The following ST18 variants were observed in gnomAD, a reference collection of about 807,000 sequenced individuals.
The protein encoded by ST18 is suppression of tumorigenicity 18 protein.
ST18 carries 50 observed loss-of-function variants against 110.0 expected under a neutral mutation model. That is an observed-to-expected ratio of 0.45 (90% CI 0.36 to 0.58). The LOEUF (loss-of-function observed/expected upper bound fraction) is 0.58, where lower values mean the gene tolerates loss of function less well. Ranked by LOEUF, ST18 falls within the 20% of genes least tolerant of loss-of-function variation. The pLI, the probability that ST18 is intolerant of heterozygous loss-of-function variation, is 0.00. For missense variants in ST18, 1,306 were observed against 1,280.1 expected, an observed-to-expected ratio of 1.02 and a Z score of -0.31; for synonymous variants, 461 against 452.4, an observed-to-expected ratio of 1.02 and a Z score of -0.24.
At chr8:52,323,077 G>A (rs1274003346) in intron 2 of ST18, among the ~76,000 whole-genome samples, 1 of 152,178 alleles carries the variant, frequency 6.6e-6, no homozygotes, top group Non-Finnish European at 1.5e-5. Flanking sequence ...CCTGGGCCAA[G>A]AAATCAGGAT....
intron 7 of ST18, among the ~76,000 whole-genome samples, chr8:52,213,968 T>C (rs1197753916): frequency 1.3e-5 from 2 of 152,216 alleles, no homozygotes; most frequent in Non-Finnish European, 2.9e-5. Context: ...CCACTCATGA[T>C]TGCATTTTGT....
chr8:52,114,132 G>T (rs1344342193), intron 25 of ST18, among the ~76,000 whole-genome samples: 1 of 151,496 alleles, frequency 6.6e-6, no homozygotes, highest in Admixed American at 6.6e-5. Context: ...ACCACTCCCA[G>T]CTAATTTTTG....
intron 2 of ST18, among the ~76,000 whole-genome samples, chr8:52,356,833 A>G (rs1352523274): frequency 6.6e-6 from 1 of 152,204 alleles, no homozygotes; most frequent in Non-Finnish European, 1.5e-5. Flanking sequence ...GAAAACCAAA[A>G]TAAATGAAAT....
chr8:52,363,596 C>T (rs1012787822), intron 2 of ST18, among the ~76,000 whole-genome samples: 23 of 152,282 alleles, frequency 1.5e-4, no homozygotes, highest in African/African-American at 5.3e-4. Context: ...AATTTTTTAT[C>T]TAGCAGTGCC....
intron 2 of ST18, chr8:52,407,934 A>G (rs1489952782): frequency 6.6e-6 from 1 of 152,184 alleles, no homozygotes; most frequent in Non-Finnish European, 1.5e-5. Context: ...GTGATGTACA[A>G]AGCTGAATTT....
intron 2 of ST18, among the ~76,000 whole-genome samples, chr8:52,354,882 C>T (rs1821994865): frequency 6.6e-6 from 1 of 152,204 alleles, no homozygotes; most frequent in Admixed American, 6.5e-5. Flanking sequence ...AATATGGGCT[C>T]CCCATGTGTC....
At chr8:52,150,155 G>C (rs752399944) in intron 15 of ST18, among the ~76,000 whole-genome samples, 178 bp from the exon 16 acceptor site, 11 of 152,154 alleles carry the variant, frequency 7.2e-5, no homozygotes, top group Non-Finnish European at 1.3e-4. Flanking sequence ...TTTAAGAACA[G>C]CCCCATTAGT....
chr8:52,343,507 T>G (rs550493561), intron 2 of ST18, among the ~76,000 whole-genome samples: 1 of 152,298 alleles, frequency 6.6e-6, no homozygotes, highest in South Asian at 2.1e-4. Flanking sequence ...GCTGGCTTTA[T>G]AAAAGTTCCA....
chr8:52,172,269 T>G lies in ST18; in HGVS notation c.592A>C (p.Ser198Arg), dbSNP rs1444870492. The change falls in exon 10 of 26, where the codon AGT becomes CGT. Residue 198 changes from serine (S) to arginine (R), a missense_variant. Transcript: ENST00000689386. ...CCACTGTCCCAGCCATTTTCTGCAC[T>G]TTCAGAGTTACTTTCATTGTCATCA... Reference protein sequence around the residue: ...SSDDNESNSESAENGWDSGSN... With the variant: ...SSDDNESNSERAENGWDSGSN... 2 of 1,614,222 alleles carry G rather than the reference T, an allele frequency of 1.2e-6. No homozygotes were observed. Among genetic ancestry groups the G allele is most frequent in the African/African-American group, 2.7e-5 (2 of 75,042 alleles).
intron 2 of ST18, among the ~76,000 whole-genome samples, chr8:52,264,285 G>A (rs1180417997): frequency 2.0e-5 from 3 of 152,148 alleles, no homozygotes; most frequent in African/African-American, 7.2e-5. Flanking sequence ...TTATAGAGAT[G>A]CCTTCTTCTT....
chr8:52,325,721 T>C (rs1403081365), intron 2 of ST18, among the ~76,000 whole-genome samples: 2 of 151,876 alleles, frequency 1.3e-5, no homozygotes, highest in African/African-American at 4.9e-5. Flanking sequence ...AATTTCCCGA[T>C]TTCCAGCTAG....
At chr8:52,233,256 A>G (rs2091913734) in intron 2 of ST18, among the ~76,000 whole-genome samples, 1 of 152,082 alleles carries the variant, frequency 6.6e-6, no homozygotes, top group East Asian at 1.9e-4. Flanking sequence ...CCGTGAGTGG[A>G]GAGGGGTGTA....
At chr8:52,237,927 GA>G (rs1230745734) in intron 2 of ST18, among the ~76,000 whole-genome samples, 2 of 152,110 alleles carry the variant, frequency 1.3e-5, no homozygotes, top group Non-Finnish European at 2.9e-5. Context: ...TTTCTACAAA[GA>G]AGTTATACAA....
intron 10 of ST18, 191 bp downstream of exon 10, chr8:52,171,601 A>G: frequency 1.4e-6 from 1 of 723,888 alleles, no homozygotes; most frequent in Non-Finnish European, 2.4e-6. Context: ...TCCAAAATTA[A>G]CACAGCTTGA....
At position 52,133,144 on chromosome 8, in the gene ST18, T is replaced by G; in HGVS notation, c.2364-7A>C. ...ACGAGGGCATCCGGACAAGCTGAAA[T>G]AGGGACCCGACAAAGAACAAAGCAA... is the stretch of plus-strand genomic sequence containing the variant. On this transcript the variant is annotated splice_polypyrimidine_tract_variant and splice_region_variant and intron_variant, in intron 20 of 25. Transcript: ENST00000689386. The G allele has an allele frequency of 1.2e-6, 2 of 1,614,150 alleles. No homozygotes were observed.
At chr8:52,189,216 G>C (rs934992850) in intron 8 of ST18, among the ~76,000 whole-genome samples, 2 of 152,180 alleles carry the variant, frequency 1.3e-5, no homozygotes, top group African/African-American at 2.4e-5. Context: ...AGGAGCTGCA[G>C]GATCTAGCTC....
chr8:52,132,583 C>T (rs771776402), intron 21 of ST18, among the ~76,000 whole-genome samples: 1 of 152,160 alleles, frequency 6.6e-6, no homozygotes, highest in Non-Finnish European at 1.5e-5. Flanking sequence ...CTGCATAGCA[C>T]ATTACTCATA....
At chr8:52,380,720 T>C (rs1043096655) in intron 2 of ST18, among the ~76,000 whole-genome samples, 1 of 152,038 alleles carries the variant, frequency 6.6e-6, no homozygotes, top group South Asian at 2.1e-4. Flanking sequence ...AAAAAAAAAG[T>C]ATTAATCTCC....
At chr8:52,250,472 A>AAAAAAAAAAAAAAC (rs2094209246) in intron 2 of ST18, among the ~76,000 whole-genome samples, 1 of 149,620 alleles carries the variant, frequency 6.7e-6, no homozygotes, top group Non-Finnish European at 1.5e-5. Context: ...AAAAAAAAAA[A>AAAAAAAAAAAAAAC]AAAAAGATCA....
Sources: allele counts gnomAD v4.1 joint callset (sites outside exome capture counted in the v4.1 genomes callset), GRCh38; gene constraint gnomAD v4.1.1; transcripts MANE v1.5; gene names NCBI Gene and HGNC (gene_info 2026-07-23, HGNC 2026-07-21).